Variants in GABRB3 observed in about 807,000 individuals in gnomAD.
GABRB3 encodes the protein gamma-aminobutyric acid type A receptor subunit beta3.
A neutral mutation model predicts 52.1 loss-of-function variants in GABRB3; 14 were observed. That is an observed-to-expected ratio of 0.27 (90% confidence interval 0.18 to 0.42). The LOEUF (loss-of-function observed/expected upper bound fraction) is 0.42. Among genes scored for constraint, GABRB3 ranks in the 10% least tolerant of loss-of-function variants. GABRB3 has a pLI of 1.00. For missense variants in GABRB3, 307 were observed against 609.1 expected (o/e 0.50, Z 5.22); for synonymous variants, 260 against 232.3 (o/e 1.12, Z -1.08).
At chr15:26,701,155 A>G (rs1595538538) in intron 3 of GABRB3, among the ~76,000 whole-genome samples, 1 of 152,316 alleles carries the variant, frequency 6.6e-6, no homozygotes, top group East Asian at 1.9e-4. Context: ...AACATACTTA[A>G]CAGTAAAAAG....
chr15:26,637,543 A>C (rs1465192740), intron 3 of GABRB3, among the ~76,000 whole-genome samples: 1 of 152,182 alleles, frequency 6.6e-6, no homozygotes, highest in African/African-American at 2.4e-5. Context: ...AATCTACTGA[A>C]CAAGTGTGTA....
intron 3 of GABRB3, among the ~76,000 whole-genome samples, chr15:26,707,550 G>A (rs1460953927): frequency 6.6e-6 from 1 of 152,216 alleles, no homozygotes; most frequent in Non-Finnish European, 1.5e-5. Context: ...TGGAAAAAGA[G>A]AGAATATGGT....
intron 3 of GABRB3, among the ~76,000 whole-genome samples, chr15:26,657,740 T>A (rs1887418478): frequency 1.3e-5 from 2 of 152,196 alleles, no homozygotes; most frequent in African/African-American, 4.8e-5. Flanking sequence ...AAGTCTGACC[T>A]AGGAAAATTA....
intron 3 of GABRB3, among the ~76,000 whole-genome samples, chr15:26,761,769 T>C (rs1055837040): frequency 3.9e-4 from 59 of 152,128 alleles, no homozygotes; most frequent in African/African-American, 1.4e-3. Context: ...TTCTCCAAAT[T>C]AAGCTACTAT....
At chr15:26,649,158 A>C (rs8023959) in intron 3 of GABRB3, among the ~76,000 whole-genome samples, 17,974 of 152,212 alleles carry the variant, frequency 0.12, 1,208 homozygotes, top group Admixed American at 0.2. Flanking sequence ...CTGCAAAATT[A>C]ATATGCTGAA....
At chr15:26,766,257 T>A (rs1294515002) in intron 3 of GABRB3, among the ~76,000 whole-genome samples, 1 of 152,192 alleles carries the variant, frequency 6.6e-6, no homozygotes, top group Admixed American at 6.5e-5. Flanking sequence ...CAGACCCCTA[T>A]GAGAAAGAAA....
intron 3 of GABRB3, among the ~76,000 whole-genome samples, chr15:26,745,962 CCA>C (rs1423440557): frequency 6.6e-6 from 1 of 152,116 alleles, no homozygotes; most frequent in African/African-American, 2.4e-5. Flanking sequence ...GAGATAAATG[CCA>C]CAGAGTGCAA....
chr15:26,771,562 C>G (rs756736727), intron 3 of GABRB3, among the ~76,000 whole-genome samples: 2 of 152,250 alleles, frequency 1.3e-5, no homozygotes, highest in Non-Finnish European at 2.9e-5. Context: ...TCAAATCCCA[C>G]GGCGTTTCAG....
intron 4 of GABRB3, among the ~76,000 whole-genome samples, chr15:26,618,767 A>G (rs1373993056): frequency 6.6e-6 from 1 of 152,092 alleles, no homozygotes; most frequent in African/African-American, 2.4e-5. Context: ...CAACCTACTC[A>G]TCTGACAAAG....
intron 6 of GABRB3, chr15:26,569,253 G>A (rs988494206): frequency 6.6e-6 from 1 of 152,142 alleles, no homozygotes; most frequent in African/African-American, 2.4e-5. Context: ...TCCTACCTTA[G>A]CATCAACCAC....
intron 3 of GABRB3, among the ~76,000 whole-genome samples, chr15:26,682,506 G>A (rs542155341): frequency 3.4e-4 from 52 of 152,308 alleles, no homozygotes; most frequent in Non-Finnish European, 5.0e-4. Flanking sequence ...CAGCCCCCGA[G>A]CTTACTTAAA....
At chr15:26,610,263 G>T (rs1334267876) in intron 4 of GABRB3, among the ~76,000 whole-genome samples, 1 of 152,152 alleles carries the variant, frequency 6.6e-6, no homozygotes, top group Non-Finnish European at 1.5e-5. Flanking sequence ...TTTGTTGGTT[G>T]AAGGGATGGA....
At chr15:26,773,302 G>C (rs1280182951), upstream of GABRB3, among the ~76,000 whole-genome samples, 1 of 150,462 alleles carries the variant, frequency 6.6e-6, no homozygotes, top group Non-Finnish European at 1.5e-5. Flanking sequence ...CACGGGACTC[G>C]GACCTCTGGG....
intron 3 of GABRB3, among the ~76,000 whole-genome samples, chr15:26,688,570 T>C (rs1383389085): frequency 6.6e-6 from 1 of 152,206 alleles, no homozygotes; most frequent in Admixed American, 6.5e-5. Context: ...ATGAGAGCCA[T>C]AGGTGTGTCA....
At chr15:26,697,138 T>C (rs1411775176) in intron 3 of GABRB3, among the ~76,000 whole-genome samples, 1 of 152,190 alleles carries the variant, frequency 6.6e-6, no homozygotes, top group African/African-American at 2.4e-5. Flanking sequence ...ACAGATTCCT[T>C]AGAGTGCTAA....
intron 3 of GABRB3, among the ~76,000 whole-genome samples, chr15:26,764,179 AATATATATATATATATATATATATAT>A (rs59007360): frequency 3.5e-4 from 5 of 14,398 alleles, no homozygotes; most frequent in African/African-American, 1.2e-3. Context: ...AAAAAAAAAA[AATATATATATATATATATATATATAT>A]ATATATATAT....
chr15:26,640,360 A>G (rs1893167880), intron 3 of GABRB3, among the ~76,000 whole-genome samples: 1 of 152,170 alleles, frequency 6.6e-6, no homozygotes, highest in Non-Finnish European at 1.5e-5. Flanking sequence ...TACTAAAAAT[A>G]CAAAAAATTA....
At chr15:26,702,290 C>G (rs28763283) in intron 3 of GABRB3, among the ~76,000 whole-genome samples, 63,165 of 151,986 alleles carry the variant, frequency 0.42, 13,815 homozygotes, top group African/African-American at 0.56. Flanking sequence ...AGGATGAAAA[C>G]ACAGACTGGG....
chr15:26,761,380 G>C (rs948692997), intron 3 of GABRB3, among the ~76,000 whole-genome samples: 1 of 145,102 alleles, frequency 6.9e-6, no homozygotes, highest in Non-Finnish European at 1.5e-5. Flanking sequence ...GGGTGACACA[G>C]CAAGACTCCA....
Sources: allele counts gnomAD v4.1 joint callset (sites outside exome capture counted in the v4.1 genomes callset), GRCh38; gene constraint gnomAD v4.1.1; transcripts MANE v1.5; gene names NCBI Gene and HGNC (gene_info 2026-07-23, HGNC 2026-07-21).